Variants in MACROD2 observed in about 807,000 individuals in gnomAD.
The protein encoded by MACROD2 is ADP-ribose glycohydrolase MACROD2.
Under a neutral mutation model 70.4 loss-of-function variants are expected in MACROD2, and 36 were observed. That is an observed-to-expected ratio of 0.51 (90% confidence interval 0.39 to 0.68). The LOEUF is 0.68. Ranked by LOEUF, MACROD2 falls within the 30% of genes least tolerant of loss-of-function variation. The pLI is 0.00. For missense variants in MACROD2, 496 were observed against 538.4 expected, an observed-to-expected ratio of 0.92 and a Z score of 0.78; for synonymous variants, 172 against 178.8, an observed-to-expected ratio of 0.96 and a Z score of 0.30.
intron 8 of MACROD2, among the ~76,000 whole-genome samples, chr20:15,708,649 G>T (rs929893560): frequency 2.8e-5 from 4 of 140,808 alleles, no homozygotes; most frequent in Non-Finnish European, 4.9e-5. Context: ...GAGGCAGTAG[G>T]ATTGCTTAAG....
At chr20:15,522,191 C>G (rs560855365) in intron 8 of MACROD2, among the ~76,000 whole-genome samples, 14 of 152,088 alleles carry the variant, frequency 9.2e-5, no homozygotes, top group South Asian at 2.1e-4. Flanking sequence ...CTTGCATAGC[C>G]CTCATATTCT....
chr20:16,026,799 A>G (rs1185257687), intron 15 of MACROD2, among the ~76,000 whole-genome samples: 2 of 152,156 alleles, frequency 1.3e-5, no homozygotes, highest in African/African-American at 2.4e-5. Flanking sequence ...TAAAAAGTGG[A>G]ATAAAGCCCC....
chr20:14,117,398 G>C (rs2054530405), intron 3 of MACROD2, among the ~76,000 whole-genome samples: 1 of 152,094 alleles, frequency 6.6e-6, no homozygotes, highest in African/African-American at 2.4e-5. Context: ...TCATGTAGTT[G>C]GCCCTCGACA....
chr20:14,506,807 C>T (rs1016070621), intron 4 of MACROD2, among the ~76,000 whole-genome samples: 7 of 152,024 alleles, frequency 4.6e-5, no homozygotes, highest in Non-Finnish European at 8.8e-5. Context: ...AAAAATTAGC[C>T]GGACGTGGTG....
chr20:14,007,940 T>C (rs556686187), intron 2 of MACROD2, among the ~76,000 whole-genome samples: 2 of 152,202 alleles, frequency 1.3e-5, no homozygotes, highest in Non-Finnish European at 2.9e-5. Context: ...AGGTGAAAAT[T>C]ATAAAATTAT....
chr20:15,865,558 T>G (rs1026031826), intron 9 of MACROD2, among the ~76,000 whole-genome samples: 1 of 152,164 alleles, frequency 6.6e-6, no homozygotes, highest in African/African-American at 2.4e-5. Context: ...TTTTTCTAAT[T>G]TGGTCTTAAG....
intron 4 of MACROD2, among the ~76,000 whole-genome samples, chr20:14,639,373 C>A (rs1374426448): frequency 7.9e-6 from 1 of 125,914 alleles, no homozygotes; most frequent in Non-Finnish European, 1.6e-5. Context: ...GTACTCCAAT[C>A]AACTTTGGTA....
At chr20:14,029,537 C>T (rs1419496298) in intron 2 of MACROD2, among the ~76,000 whole-genome samples, 1 of 152,030 alleles carries the variant, frequency 6.6e-6, no homozygotes. Context: ...CTGAAAGCAA[C>T]AATTTGGAGC....
At chr20:15,794,717 T>A (rs944526736) in intron 8 of MACROD2, among the ~76,000 whole-genome samples, 1 of 152,180 alleles carries the variant, frequency 6.6e-6, no homozygotes, top group Non-Finnish European at 1.5e-5. Context: ...AAGTGGAGGA[T>A]GTAAAGCTTG....
chr20:14,424,910 A>G (rs1220104135), intron 3 of MACROD2, among the ~76,000 whole-genome samples: 1 of 152,238 alleles, frequency 6.6e-6, no homozygotes, highest in Non-Finnish European at 1.5e-5. Flanking sequence ...AAGTCCAAGT[A>G]AAGAGCGTAT....
intron 8 of MACROD2, among the ~76,000 whole-genome samples, chr20:15,601,373 C>T (rs1008990807): frequency 1.3e-5 from 2 of 152,112 alleles, no homozygotes; most frequent in Non-Finnish European, 2.9e-5. Flanking sequence ...ATGTGTGCGC[C>T]CATTCACCCA....
intron 8 of MACROD2, among the ~76,000 whole-genome samples, chr20:15,711,359 G>T (rs536802106): frequency 6.6e-6 from 1 of 152,316 alleles, no homozygotes; most frequent in East Asian, 1.9e-4. Context: ...AAGGTGCTTT[G>T]TGCAGGTGTA....
chr20:15,744,140 T>G (rs2051145468), intron 8 of MACROD2, among the ~76,000 whole-genome samples: 1 of 152,110 alleles, frequency 6.6e-6, no homozygotes, highest in South Asian at 2.1e-4. Flanking sequence ...TTATGTTTAT[T>G]CAAAAAAGGC....
intron 2 of MACROD2, among the ~76,000 whole-genome samples, chr20:14,008,188 G>A (rs2052848853): frequency 6.6e-6 from 1 of 152,130 alleles, no homozygotes; most frequent in Non-Finnish European, 1.5e-5. Context: ...AACTATTTTT[G>A]TTTGTAGATG....
chr20:15,411,843 A>T (rs540654435), intron 6 of MACROD2, among the ~76,000 whole-genome samples: 3 of 152,298 alleles, frequency 2.0e-5, no homozygotes, highest in South Asian at 2.1e-4. Context: ...GGATTAATCC[A>T]TCGGTGTCCA....
intron 5 of MACROD2, chr20:14,757,574 T>C: frequency 9.5e-7 from 1 of 1,054,888 alleles, no homozygotes; most frequent in Non-Finnish European, 1.4e-6. Flanking sequence ...TGTTGATGCC[T>C]AAGAAGAACC....
intron 5 of MACROD2, among the ~76,000 whole-genome samples, chr20:14,770,251 T>C (rs1182076323): frequency 6.6e-6 from 1 of 151,972 alleles, no homozygotes; most frequent in African/African-American, 2.4e-5. Flanking sequence ...TATGCTGTGG[T>C]GAACATATGT....
intron 3 of MACROD2, among the ~76,000 whole-genome samples, chr20:14,396,667 T>C (rs533509198): frequency 1.6e-3 from 241 of 152,232 alleles, no homozygotes; most frequent in African/African-American, 5.7e-3. Context: ...GGCTCACGCC[T>C]GTAATCCCAG....
At chr20:15,082,978 T>G (rs544958833) in intron 5 of MACROD2, among the ~76,000 whole-genome samples, 37 of 152,344 alleles carry the variant, frequency 2.4e-4, no homozygotes, top group Middle Eastern at 6.8e-3. Context: ...GCCTGAAGTT[T>G]CGTTCACCCT....
Sources: allele counts gnomAD v4.1 joint callset (sites outside exome capture counted in the v4.1 genomes callset), GRCh38; gene constraint gnomAD v4.1.1; transcripts MANE v1.5; gene names NCBI Gene and HGNC (gene_info 2026-07-23, HGNC 2026-07-21).